The following POU2F3 variants were observed in gnomAD, a reference collection of about 807,000 sequenced individuals.
The protein encoded by POU2F3 is POU domain, class 2, transcription factor 3.
In POU2F3, 23 loss-of-function variants were observed where a neutral mutation model predicts 59.2. The ratio of observed to expected loss-of-function variants is 0.39; its 90% CI spans 0.28 to 0.55. The LOEUF is 0.55. Among genes scored for constraint, POU2F3 ranks in the 20% least tolerant of loss-of-function variants. POU2F3 has a pLI of 0.66. For synonymous variants in POU2F3, 190 were observed against 214.6 expected, an observed-to-expected ratio of 0.89 and a Z score of 1.00; for missense variants, 473 against 544.5, an observed-to-expected ratio of 0.87 and a Z score of 1.31.
At position 120,318,441 on chromosome 11, in the gene POU2F3, G is replaced by A. The variant is rs746275144; in HGVS notation, c.*49G>A. 6.6e-7 allele frequency: 1 copy of A among 1,517,988 alleles called. No individual in the cohort carries two copies. The highest frequency in any genetic ancestry group is 9.2e-7 in the Non-Finnish European group (1 of 1,092,840). The allele number at this position is 1,517,988 out of a possible 1,614,324, so 94.0% of individuals were successfully genotyped here. A position where few individuals can be genotyped will look rare whatever the true frequency, so the allele number is the denominator to read the frequency against. ...AGCTGGCCCTGTATTCCCCCTGGAA[G>A]GAAGGGAATCATGCCTTCTATATAC... On this transcript the variant is annotated 3_prime_UTR_variant, in exon 13 of 13. Transcript: ENST00000543440.
intron 3 of POU2F3, among the ~76,000 whole-genome samples, chr11:120,274,694 T>C (rs887579770): frequency 6.6e-6 from 1 of 152,108 alleles, no homozygotes; most frequent in African/African-American, 2.4e-5. Flanking sequence ...GGACTGAAGA[T>C]GCATATTGGG....
chr11:120,317,148 T>C lies in POU2F3; in HGVS notation c.1136-81T>C, dbSNP rs1038859156. On this transcript the variant is annotated intron_variant, in intron 11 of 12. Transcript: ENST00000543440. ...CCCTTTGGGGATACACCAGGAAATT[T>C]GTGTCTGAGGGGCTATGTCCCGATG... 2.6e-6 allele frequency: 4 copies of C among 1,538,712 alleles called. No homozygotes were observed. The African/African-American group carries it at 5.5e-5, about 21-fold the overall frequency.
intron 4 of POU2F3, 73 bp downstream of exon 4, chr11:120,298,463 T>C: frequency 6.3e-7 from 1 of 1,588,160 alleles, no homozygotes; most frequent in Non-Finnish European, 8.6e-7. Context: ...ACTTCCATGC[T>C]TGGTACTCGT....
At chr11:120,306,323 AG>A (rs1298180213) in intron 8 of POU2F3, among the ~76,000 whole-genome samples, 5 of 152,164 alleles carry the variant, frequency 3.3e-5, no homozygotes, top group African/African-American at 1.2e-4. Flanking sequence ...GGACTCAGTG[AG>A]GGGTGGTGGC....
intron 3 of POU2F3, among the ~76,000 whole-genome samples, chr11:120,269,523 C>G (rs566687009): frequency 2.0e-5 from 3 of 152,140 alleles, no homozygotes; most frequent in African/African-American, 7.2e-5. Flanking sequence ...AAGACAAGAG[C>G]TCTTTTCCTG....
At chr11:120,256,992 A>C (rs951691841) in intron 2 of POU2F3, 1 of 152,206 alleles carries the variant, frequency 6.6e-6, no homozygotes. Context: ...AAGTTTCCTC[A>C]TCTGTAAAAT....
At chr11:120,251,420 A>G (rs1405029795) in intron 2 of POU2F3, among the ~76,000 whole-genome samples, 1 of 152,270 alleles carries the variant, frequency 6.6e-6, no homozygotes, top group Non-Finnish European at 1.5e-5. Flanking sequence ...TTCACAGTCC[A>G]TCATTAAGTC....
chr11:120,305,916 G>A, intron 8 of POU2F3, 131 bp downstream of exon 8: 1 of 1,156,794 alleles, frequency 8.6e-7, no homozygotes, highest in Non-Finnish European at 1.2e-6. Context: ...TGGAGCCGAT[G>A]GAGAAACAAG....
chr11:120,297,941 T>C (rs982337455), intron 3 of POU2F3, among the ~76,000 whole-genome samples: 6 of 151,576 alleles, frequency 4.0e-5, no homozygotes, highest in African/African-American at 1.5e-4. Context: ...TGGCTATTTT[T>C]TTTTTTTTTT....
At chr11:120,239,624 G>A (rs962464201), upstream of POU2F3, among the ~76,000 whole-genome samples, 1 of 152,330 alleles carries the variant, frequency 6.6e-6, no homozygotes, top group South Asian at 2.1e-4. Flanking sequence ...GGGGCTAGGT[G>A]AGCTTGGTCA....
Position 120,309,277 on chromosome 11 carries a change from G to C in POU2F3, c.907-148G>C, listed in dbSNP as rs1309783988. 4.0e-6 allele frequency: 3 copies of C among 758,918 alleles called. No homozygotes were observed. The African/African-American group carries it at 5.2e-5, about 13-fold the overall frequency. The allele number at this position is 758,918 out of a possible 1,614,324, so 47.0% of individuals were successfully genotyped here. A position where few individuals can be genotyped will look rare whatever the true frequency, so the allele number is the denominator to read the frequency against. Reference sequence around the variant, plus strand: ...GGTTAAGAAAGTTTTGTAAGGACACGTAGTAAGTGAAAAAGCCAGTATTTC... The same window carrying C: ...GGTTAAGAAAGTTTTGTAAGGACACCTAGTAAGTGAAAAAGCCAGTATTTC... On this transcript the variant is annotated intron_variant, in intron 9 of 12. Transcript: ENST00000543440.
At chr11:120,288,224 A>G (rs77483431) in intron 3 of POU2F3, among the ~76,000 whole-genome samples, 7,826 of 150,916 alleles carry the variant, frequency 0.052, 279 homozygotes, top group Middle Eastern at 0.097. Flanking sequence ...CCCTGAGGGC[A>G]TGGTTGCTTT....
intron 10 of POU2F3, among the ~76,000 whole-genome samples, chr11:120,314,711 A>C (rs1397802611): frequency 2.0e-5 from 3 of 152,214 alleles, no homozygotes; most frequent in African/African-American, 4.8e-5. Flanking sequence ...TAGGATAGTA[A>C]CAGTGAGGGG....
intron 3 of POU2F3, among the ~76,000 whole-genome samples, chr11:120,278,385 C>T (rs1012155952): frequency 6.6e-5 from 10 of 152,166 alleles, no homozygotes; most frequent in African/African-American, 2.2e-4. Context: ...GAAAACATCT[C>T]CCGGGGTAGC....
chr11:120,314,682 A>G (rs965045360), intron 10 of POU2F3, among the ~76,000 whole-genome samples: 3 of 152,128 alleles, frequency 2.0e-5, no homozygotes, highest in Non-Finnish European at 4.4e-5. Context: ...TTTCTATTAC[A>G]TCTTGTTCTA....
At chr11:120,246,619 C>A in intron 2 of POU2F3, 102 bp downstream of exon 2, 1 of 1,250,716 alleles carries the variant, frequency 8.0e-7, no homozygotes, top group Non-Finnish European at 1.2e-6. Context: ...TTTCAGCCAA[C>A]CAGACCCCAA....
At chr11:120,280,238 A>G (rs1174861843) in intron 3 of POU2F3, among the ~76,000 whole-genome samples, 3 of 152,192 alleles carry the variant, frequency 2.0e-5, no homozygotes, top group African/African-American at 7.2e-5. Flanking sequence ...TCAGTTTATA[A>G]CAGGCAGTGG....
chr11:120,298,779 G>A (rs781174424), intron 4 of POU2F3, among the ~76,000 whole-genome samples: 8 of 152,198 alleles, frequency 5.3e-5, no homozygotes, highest in Admixed American at 1.3e-4. Context: ...CTAGAATGGA[G>A]TGCTGGTGGG....
At chr11:120,271,326 G>A (rs1261012794) in intron 3 of POU2F3, among the ~76,000 whole-genome samples, 1 of 152,230 alleles carries the variant, frequency 6.6e-6, no homozygotes. Context: ...TTAAATGTGA[G>A]ACAGGTTCTT....
Sources: allele counts gnomAD v4.1 joint callset (sites outside exome capture counted in the v4.1 genomes callset), GRCh38; gene constraint gnomAD v4.1.1; transcripts MANE v1.5; gene names NCBI Gene and HGNC (gene_info 2026-07-23, HGNC 2026-07-21).